The following MAP1LC3A variants were observed in gnomAD, a reference collection of about 807,000 sequenced individuals.
The protein encoded by MAP1LC3A is microtubule-associated protein 1 light chain 3 alpha.
Under a neutral mutation model 15.2 loss-of-function variants are expected in MAP1LC3A, and 10 were observed. That is an observed-to-expected ratio of 0.66 (90% confidence interval 0.41 to 1.12). The LOEUF (loss-of-function observed/expected upper bound fraction) is 1.12. MAP1LC3A is among the 50% of genes most tolerant of loss of function. The probability of loss-of-function intolerance (pLI) is 0.00; values close to 1 mark genes in which losing one functional copy is unlikely to be tolerated. For missense variants in MAP1LC3A, 138 were observed against 167.3 expected (o/e 0.82, Z 0.97); for synonymous variants, 63 against 64.3 (o/e 0.98, Z 0.10).
At chr20:34,555,186 C>T (rs546200294), upstream of MAP1LC3A, among the ~76,000 whole-genome samples, 15 of 149,832 alleles carry the variant, frequency 1.0e-4, no homozygotes, top group Non-Finnish European at 1.8e-4. Flanking sequence ...ACTCTTGTCA[C>T]GCAGGCTGGA....
upstream of MAP1LC3A, among the ~76,000 whole-genome samples, chr20:34,555,331 GAC>G (rs1212766712): frequency 6.6e-6 from 1 of 152,000 alleles, no homozygotes; most frequent in Non-Finnish European, 1.5e-5. Context: ...TTTTAGTAGA[GAC>G]AGGGTTTTGC....
chr20:34,549,833 C>A (rs777132994), intron 1 of MAP1LC3A: 23 of 664,356 alleles, frequency 3.5e-5, no homozygotes, highest in Non-Finnish European at 6.2e-5. Context: ...TTCAGCCAGT[C>A]TTCAATCTCG....
upstream of MAP1LC3A, among the ~76,000 whole-genome samples, chr20:34,556,834 C>T (rs931064256): frequency 6.6e-6 from 1 of 152,222 alleles, no homozygotes; most frequent in African/African-American, 2.4e-5. Flanking sequence ...TTCCCAGCCT[C>T]TAGTGATCCA....
At chr20:34,558,698 T>C, upstream of MAP1LC3A, 1 of 1,267,956 alleles carries the variant, frequency 7.9e-7, no homozygotes, top group Non-Finnish European at 9.9e-7. The surrounding 1 kb of genome is among the most constrained non-coding windows in gnomAD (Gnocchi z 4.3). Flanking sequence ...CTTTAAGGAA[T>C]GTTGTGACCT....
chr20:34,552,689 C>G (rs568182786), intron 2 of MAP1LC3A, among the ~76,000 whole-genome samples: 4 of 152,224 alleles, frequency 2.6e-5, no homozygotes, highest in Non-Finnish European at 5.9e-5. Flanking sequence ...GAGGCAAGGC[C>G]AGGGCAGGAA....
At chr20:34,548,973 T>C (rs766844686) in intron 1 of MAP1LC3A, among the ~76,000 whole-genome samples, 17 of 152,176 alleles carry the variant, frequency 1.1e-4, no homozygotes, top group Non-Finnish European at 1.8e-4. Context: ...CCCGAAGTGC[T>C]GGGATTACAG....
upstream of MAP1LC3A, among the ~76,000 whole-genome samples, chr20:34,556,675 C>A (rs1982171675): frequency 6.6e-6 from 1 of 152,038 alleles, no homozygotes; most frequent in African/African-American, 2.4e-5. Flanking sequence ...CAGCTCACTG[C>A]AACCTCCGCC....
chr20:34,549,783 G>A (rs1981877347), intron 1 of MAP1LC3A: 1 of 543,912 alleles, frequency 1.8e-6, no homozygotes. Context: ...CATGGCACTG[G>A]TGGGCGTGTC....
chr20:34,549,420 C>T (rs1229068025), intron 1 of MAP1LC3A, among the ~76,000 whole-genome samples: 1 of 152,176 alleles, frequency 6.6e-6, no homozygotes, highest in African/African-American at 2.4e-5. Flanking sequence ...CGATATGAGG[C>T]CCATTTTTAC....
upstream of MAP1LC3A, among the ~76,000 whole-genome samples, chr20:34,554,621 C>T (rs1242452572): frequency 6.6e-6 from 1 of 151,822 alleles, no homozygotes; most frequent in Non-Finnish European, 1.5e-5. Flanking sequence ...ATCCGCCTGC[C>T]TTGGCCGCCC....
intron 2 of MAP1LC3A, among the ~76,000 whole-genome samples, chr20:34,552,450 G>A (rs1484378362): frequency 5.3e-5 from 8 of 152,252 alleles, no homozygotes; most frequent in Non-Finnish European, 1.0e-4. Context: ...ACCAAAACTC[G>A]AGGTGAGGGT....
chr20:34,551,467 C>CTTTTTTTT (rs58191574), intron 2 of MAP1LC3A, among the ~76,000 whole-genome samples: 1 of 104,812 alleles, frequency 9.5e-6, no homozygotes. Flanking sequence ...GAACGCTGTC[C>CTTTTTTTT]TTTTTTTTTT....
upstream of MAP1LC3A, among the ~76,000 whole-genome samples, chr20:34,555,744 T>C (rs1439431830): frequency 6.6e-6 from 1 of 151,986 alleles, no homozygotes; most frequent in Non-Finnish European, 1.5e-5. Flanking sequence ...CTTGAACTCT[T>C]GGGCTCAAGC....
chr20:34,556,599 C>CT (rs765589689), upstream of MAP1LC3A, among the ~76,000 whole-genome samples: 1,900 of 139,920 alleles, frequency 0.014, 20 homozygotes, highest in African/African-American at 0.031. Context: ...TTTTCAGCCT[C>CT]TTTTTTTTTT....
upstream of MAP1LC3A, among the ~76,000 whole-genome samples, chr20:34,556,933 C>T (rs575245574): frequency 2.8e-4 from 42 of 152,316 alleles, no homozygotes; most frequent in South Asian, 8.5e-3. Context: ...AACCCTGGAA[C>T]ATAGAAGTTC....
intron 2 of MAP1LC3A, among the ~76,000 whole-genome samples, chr20:34,551,944 TACTC>T (rs1285252055): frequency 6.6e-6 from 1 of 152,208 alleles, no homozygotes; most frequent in Non-Finnish European, 1.5e-5. Flanking sequence ...GTCTGCAACT[TACTC>T]TGAAATTCAA....
rs778324131 is a variant in MAP1LC3A at position 34,559,740 on chromosome 20, C to T, written c.208C>T (p.Arg70Cys). ...ATACTCTCCCGCCGGCTGCAGGCGC[C>T]GCCTGCAGCTGAACCCCACGCAGGC... The part of the protein sequence containing the change: ...MSELVKIIRR[R>C]LQLNPTQAFF... The change falls in exon 4 of 4, where the codon CGC becomes TGC. Residue 70 changes from arginine to cysteine, a missense_variant. Coordinates refer to ENST00000360668, the MANE Select transcript of MAP1LC3A (RefSeq NM_032514.4). 3 of 1,601,398 alleles carry T rather than the reference C, an allele frequency of 1.9e-6. No homozygotes were observed. The highest frequency in any genetic ancestry group is 1.4e-5 in the African/African-American group (1 of 73,986).
At chr20:34,558,044 C>T, upstream of MAP1LC3A, 2 of 983,894 alleles carry the variant, frequency 2.0e-6, no homozygotes, top group Non-Finnish European at 2.4e-6. The surrounding 1 kb of genome is among the most constrained non-coding windows in gnomAD (Gnocchi z 4.3). Flanking sequence ...TTTCAGTGTT[C>T]GCCTCTGGAG....
At chr20:34,555,187 G>A (rs1982110134), upstream of MAP1LC3A, among the ~76,000 whole-genome samples, 1 of 144,782 alleles carries the variant, frequency 6.9e-6, no homozygotes, top group Non-Finnish European at 1.5e-5. Context: ...CTCTTGTCAC[G>A]CAGGCTGGAG....
Sources: allele counts gnomAD v4.1 joint callset (sites outside exome capture counted in the v4.1 genomes callset), GRCh38; gene constraint gnomAD v4.1.1; non-coding constraint Gnocchi (gnomAD v3.1); transcripts MANE v1.5; gene names NCBI Gene and HGNC (gene_info 2026-07-23, HGNC 2026-07-21).